Variants in RHBDL1 observed in about 807,000 individuals in gnomAD.
The protein encoded by RHBDL1 is rhomboid like 1, also known as rhomboid-related protein 1.
RHBDL1 carries 21 observed loss-of-function variants against 34.0 expected under a neutral mutation model. The observed-to-expected ratio is 0.62, with a 90% CI of 0.44 to 0.89. The LOEUF (loss-of-function observed/expected upper bound fraction) is 0.89, where lower values mean the gene tolerates loss of function less well. Among genes scored for constraint, RHBDL1 ranks in the 40% least tolerant of loss-of-function variants. The probability of loss-of-function intolerance (pLI) is 0.00; values close to 1 mark genes in which losing one functional copy is unlikely to be tolerated. For missense variants in RHBDL1, 450 were observed against 530.6 expected (o/e 0.85, Z 1.49); for synonymous variants, 268 against 234.8 (o/e 1.14, Z -1.29).
rs1306207635 is a variant in RHBDL1 at position 678,245 on chromosome 16, A to G, written c.*193A>G. 7.4e-7 allele frequency: 1 copy of G among 1,359,008 alleles called. No homozygotes were observed. The highest frequency in any genetic ancestry group is 9.4e-7 in the Non-Finnish European group (1 of 1,062,184). The allele number at this position is 1,359,008 out of a possible 1,614,324, so 84.2% of individuals were successfully genotyped here. On this transcript the variant is annotated 3_prime_UTR_variant, in exon 8 of 8. Transcript: ENST00000352681. ...ACTTGCGGTCTGAGCCTTTTTGGATAATTAATAAATATTTTACACAGCACC... is the reference window on the plus strand; with the variant it reads ...ACTTGCGGTCTGAGCCTTTTTGGATGATTAATAAATATTTTACACAGCACC...
Position 675,759 on chromosome 16 carries a change from C to A in RHBDL1, c.-32C>A. 2 of 1,434,014 alleles carry A rather than the reference C, an allele frequency of 1.4e-6. No individual in the cohort carries two copies. The highest frequency in any genetic ancestry group is 1.4e-5 in the South Asian group (1 of 73,346). The allele number at this position is 1,434,014 out of a possible 1,614,324, so 88.8% of individuals were successfully genotyped here. A position where few individuals can be genotyped will look rare whatever the true frequency, so the allele number is the denominator to read the frequency against. ...AGCAGCCCCTCCCGGCCGCGGCCGC[C>A]GACCCCGGACCCCGGCCCCCGGCCA... On this transcript the variant is annotated 5_prime_UTR_variant, in exon 1 of 8. Transcript: ENST00000352681.
chr16:677,135 G>T lies in RHBDL1; in HGVS notation c.575+16G>T, dbSNP rs536232510. The T allele has an allele frequency of 6.3e-7, 1 of 1,591,722 alleles. No homozygotes were observed. The highest frequency in any genetic ancestry group is 1.1e-5 in the South Asian group (1 of 89,470). Reference sequence around the variant, plus strand: ...TGCACGTTGGGTGAGTAGCACTGCTGCCCGGTGAGCCCCGCCCCAACCTGC... The same window carrying T: ...TGCACGTTGGGTGAGTAGCACTGCTTCCCGGTGAGCCCCGCCCCAACCTGC... On this transcript the variant is annotated intron_variant, in intron 4 of 7. Coordinates refer to ENST00000352681, the MANE Select transcript of RHBDL1 (RefSeq NM_001278720.2).
At position 676,629 on chromosome 16, in the gene RHBDL1, C is replaced by T. The variant is rs574262034; in HGVS notation, c.202-43C>T. The T allele has an allele frequency of 1.6e-5, 26 of 1,599,008 alleles. No individual in the cohort carries two copies. In the African/African-American group the frequency reaches 3.1e-4, roughly 19 times the overall value. On this transcript the variant is annotated intron_variant, in intron 2 of 7. Transcript: ENST00000352681. The surrounding 1 kb of genome is among the most constrained non-coding windows in gnomAD (Gnocchi z 6.9). ...TGGGTGAGCCTCACAGGCAGGGGTGCCATGGGGAGGTCCGTGGCCCACACT... is the reference window on the plus strand; with the variant it reads ...TGGGTGAGCCTCACAGGCAGGGGTGTCATGGGGAGGTCCGTGGCCCACACT...
Position 678,210 on chromosome 16 carries a change from C to A in RHBDL1, c.*158C>A, listed in dbSNP as rs570431809. On this transcript the variant is annotated 3_prime_UTR_variant, in exon 8 of 8. Coordinates refer to ENST00000352681, the MANE Select transcript of RHBDL1 (RefSeq NM_001278720.2). ...GGCCCTGTCCCAGCCACCCACCCCC[C>A]ACTCCCAGGACTTGCGGTCTGAGCC... 1.0e-4 allele frequency: 141 copies of A among 1,384,470 alleles called. 1 individual carries two copies. The East Asian group carries it at 3.8e-3, about 38-fold the overall frequency. The allele number at this position is 1,384,470 out of a possible 1,614,324, so 85.8% of individuals were successfully genotyped here. A position where few individuals can be genotyped will look rare whatever the true frequency, so the allele number is the denominator to read the frequency against.
chr16:677,387 A>C lies in RHBDL1; in HGVS notation c.687A>C (p.Ala229=). Residue 229 remains alanine, a splice_region_variant and synonymous_variant, in exon 5 of 8, where the codon GCA becomes GCC. Coordinates refer to ENST00000352681, the MANE Select transcript of RHBDL1 (RefSeq NM_001278720.2). ...TGCTCTACCTGGCAGGCGTGCTGGCAGGTGAGGCAGGCGCGCACCCCCGCC... is the reference window on the plus strand; with the variant it reads ...TGCTCTACCTGGCAGGCGTGCTGGCCGGTGAGGCAGGCGCGCACCCCCGCC... ...ISLLYLAGVL[A]GSLTVSITDM... The C allele has an allele frequency of 6.4e-7, 1 of 1,569,798 alleles. No individual in the cohort carries two copies. Among genetic ancestry groups the C allele is most frequent in the Non-Finnish European group, 8.6e-7 (1 of 1,159,178 alleles).
At position 677,900 on chromosome 16, in the gene RHBDL1, C is replaced by T; in HGVS notation, c.970C>T (p.Leu324=). ...CGCGGTGGTGGGGGTGAGCATGGGC[C>T]TGACCATCCTGCGGAGCTACGAGGA... The part of the protein sequence containing the change: ...AGAVVGVSMG[L]TILRSYEERL... Residue 324 remains leucine (L), a synonymous_variant, in exon 8 of 8, where the codon CTG becomes TTG. Coordinates refer to ENST00000352681, the MANE Select transcript of RHBDL1 (RefSeq NM_001278720.2). 6.2e-7 allele frequency: 1 copy of T among 1,601,928 alleles called. No individual in the cohort carries two copies. Among genetic ancestry groups the T allele is most frequent in the Non-Finnish European group, 8.5e-7 (1 of 1,178,966 alleles).
At chr16:677,255 C>A (rs374372693) in intron 4 of RHBDL1, 21 bp from the exon 5 acceptor site, 1 of 1,559,378 alleles carries the variant, frequency 6.4e-7, no homozygotes, top group Admixed American at 1.9e-5. Flanking sequence ...CCTTCGTACC[C>A]GTTTGCTTCC....
chr16:677,628 C>T lies in RHBDL1; in HGVS notation c.790-11C>T, dbSNP rs956374187. 3.8e-6 allele frequency: 6 copies of T among 1,597,440 alleles called. No individual in the cohort carries two copies. The highest frequency in any genetic ancestry group is 1.7e-4 in the Middle Eastern group (1 of 5,988). ...TGAGCCTCACCACTTCTCGTCTGCA[C>T]ACACCCATAGAACTGGGCTGGGATG... On this transcript the variant is annotated splice_polypyrimidine_tract_variant and intron_variant, in intron 6 of 7. Coordinates refer to ENST00000352681, the MANE Select transcript of RHBDL1 (RefSeq NM_001278720.2).
Position 676,012 on chromosome 16 carries a change from C to T in RHBDL1, c.39+183C>T. The stretch of plus-strand genomic sequence containing the variant: ...GGACTGACTGGACCAGAGCTCCTGG[C>T]TGGAGAAGGGAGAGTCGGGGGGAGG... On this transcript the variant is annotated intron_variant, in intron 1 of 7. Transcript: ENST00000352681. This position sits in a 1 kb window ranked among gnomAD's most constrained non-coding sequence, Gnocchi z 6.9. The T allele has an allele frequency of 7.7e-7, 1 of 1,291,180 alleles. No homozygotes were observed. The highest frequency in any genetic ancestry group is 3.6e-5 in the Admixed American group (1 of 27,532). The allele number at this position is 1,291,180 out of a possible 1,614,324, so 80.0% of individuals were successfully genotyped here.
rs922365274 is a variant in RHBDL1, at chr16:677,912, C to T, written c.982C>T (p.Arg328Trp). The T allele has an allele frequency of 3.7e-6, 6 of 1,602,796 alleles. No homozygotes were observed. The highest frequency in any genetic ancestry group is 1.7e-5 in the Admixed American group (1 of 59,834). Residue 328 changes from arginine to tryptophan, a missense_variant, in exon 8 of 8, where the codon CGG becomes TGG. Coordinates refer to ENST00000352681, the MANE Select transcript of RHBDL1 (RefSeq NM_001278720.2). ...VGVSMGLTIL[R>W]SYEERLRDQC... ...GGTGAGCATGGGCCTGACCATCCTGCGGAGCTACGAGGAGCGCCTGCGGGA... is the reference window on the plus strand; with the variant it reads ...GGTGAGCATGGGCCTGACCATCCTGTGGAGCTACGAGGAGCGCCTGCGGGA...
chr16:675,691 CGGGCGGAGCGGGCCGGCTG>C lies in RHBDL1; in HGVS notation c.-88_-70del. 1 of 492,314 alleles carries C rather than the reference CGGGCGGAGCGGGCCGGCTG, an allele frequency of 2.0e-6. No homozygotes were observed. Among genetic ancestry groups the C allele is most frequent in the Non-Finnish European group, 2.9e-6 (1 of 339,382 alleles). 30.5% of individuals were successfully genotyped at this position (492,314 alleles called of 1,614,324 possible). On this transcript the variant is annotated 5_prime_UTR_variant, in exon 1 of 8. Transcript: ENST00000352681. ...GGCCCAAGCGCGGCGCCGAGCGGAG[CGGGCGGAGCGGGCCGGCTG>C]GGGCGGAGCGGAGTCGTCCGCAGAG...
At position 676,272 on chromosome 16, in the gene RHBDL1, C is replaced by T. The variant is rs1318095483; in HGVS notation, c.40-64C>T. The T allele has an allele frequency of 4.4e-6, 7 of 1,575,470 alleles. No individual in the cohort carries two copies. Among genetic ancestry groups the T allele is most frequent in the Non-Finnish European group, 5.2e-6 (6 of 1,161,024 alleles). On this transcript the variant is annotated intron_variant, in intron 1 of 7. Coordinates refer to ENST00000352681, the MANE Select transcript of RHBDL1 (RefSeq NM_001278720.2). The surrounding 1 kb of genome is among the most constrained non-coding windows in gnomAD (Gnocchi z 6.9). ...AGCCTGATGCTCCCAGCCAGCCTGG[C>T]CCAGCCCTTTGGTCCAGGGGTCGGG...
In RHBDL1 at chr16:677,917, C is replaced by A; in HGVS notation, c.987C>A (p.Ser329Arg). 1 of 1,603,302 alleles carries A rather than the reference C, an allele frequency of 6.2e-7. No individual in the cohort carries two copies. Among genetic ancestry groups the A allele is most frequent in the Non-Finnish European group, 8.5e-7 (1 of 1,179,268 alleles). ...GVSMGLTILR[S>R]YEERLRDQCG... ...GCATGGGCCTGACCATCCTGCGGAG[C>A]TACGAGGAGCGCCTGCGGGACCAGT... Residue 329 changes from serine (S) to arginine (R), a missense_variant, in exon 8 of 8, where the codon AGC (serine) becomes AGA (arginine). Transcript: ENST00000352681.
chr16:678,043 A>T lies in RHBDL1; in HGVS notation c.1113A>T (p.Pro371=). 1 of 1,558,390 alleles carries T rather than the reference A, an allele frequency of 6.4e-7. No individual in the cohort carries two copies. The highest frequency in any genetic ancestry group is 8.6e-7 in the Non-Finnish European group (1 of 1,157,244). ...AYDLLGAHIP[P]PP ...ACCTGCTGGGCGCCCACATCCCCCC[A>T]CCGCCCTGACCGGCTACCTGAGGCT... is the stretch of plus-strand genomic sequence containing the variant. The change falls in exon 8 of 8, where the codon CCA becomes CCT. Residue 371 remains proline, a synonymous_variant. Transcript: ENST00000352681.
At position 677,081 on chromosome 16, in the gene RHBDL1, C is replaced by T. The variant is rs778152258; in HGVS notation, c.537C>T (p.Arg179=). ...TGTACCACCCCGGGCACCGTGCCCGCGCCTGGCGCTTCCTCACCTACATGT... is the reference window on the plus strand; with the variant it reads ...TGTACCACCCCGGGCACCGTGCCCGTGCCTGGCGCTTCCTCACCTACATGT... ...PLVYHPGHRA[R]AWRFLTYMFM... is the part of the protein sequence containing the mutation. Residue 179 remains arginine, a synonymous_variant, in exon 4 of 8, where the codon CGC becomes CGT. Coordinates refer to ENST00000352681, the MANE Select transcript of RHBDL1 (RefSeq NM_001278720.2). 10 of 1,612,638 alleles carry T rather than the reference C, an allele frequency of 6.2e-6. No individual in the cohort carries two copies. The highest frequency in any genetic ancestry group is 2.7e-5 in the African/African-American group (2 of 74,936).
Position 676,405 on chromosome 16 carries a change from C to G in RHBDL1, c.109C>G (p.Leu37Val). Residue 37 changes from leucine to valine, a missense_variant, in exon 2 of 8, where the codon CTG becomes GTG. By Grantham distance (32) the Leu-to-Val change is conservative. Coordinates refer to ENST00000352681, the MANE Select transcript of RHBDL1 (RefSeq NM_001278720.2). This position sits in a 1 kb window ranked among gnomAD's most constrained non-coding sequence, Gnocchi z 6.9. ...TFTGLVHSHE[L>V]PLDPAKLDML... The stretch of plus-strand genomic sequence containing the variant: ...CACTGGCCTGGTGCACAGCCATGAG[C>G]TGCCCCTGGACCCGGCCAAGCTGGA... The G allele has an allele frequency of 6.2e-7, 1 of 1,608,496 alleles. No homozygotes were observed. Among genetic ancestry groups the G allele is most frequent in the Non-Finnish European group, 8.5e-7 (1 of 1,178,640 alleles).
intron 4 of RHBDL1, 51 bp from the exon 5 acceptor site, chr16:677,225 G>T: frequency 6.4e-7 from 1 of 1,553,404 alleles, no homozygotes. Context: ...CTGGGGGTGG[G>T]GCCGGATGGC....
Position 676,149 on chromosome 16 carries a change from G to T in RHBDL1, c.40-187G>T. ...GAACAACTGAGGAGCTGGAGGACTG[G>T]GACCCAGGCACCAGTGCCCTGCCAG... On this transcript the variant is annotated intron_variant, in intron 1 of 7. Transcript: ENST00000352681. The surrounding 1 kb of genome is among the most constrained non-coding windows in gnomAD (Gnocchi z 6.9). 6.8e-7 allele frequency: 1 copy of T among 1,470,618 alleles called. No homozygotes were observed. Among genetic ancestry groups the T allele is most frequent in the African/African-American group, 1.4e-5 (1 of 70,416 alleles). 91.1% of individuals were successfully genotyped at this position (1,470,618 alleles called of 1,614,324 possible).
Position 677,854 on chromosome 16 carries a change from C to T in RHBDL1, c.924C>T (p.Ser308=), listed in dbSNP as rs775439313. 1 of 1,593,906 alleles carries T rather than the reference C, an allele frequency of 6.3e-7. No homozygotes were observed. Among genetic ancestry groups the T allele is most frequent in the Admixed American group, 1.7e-5 (1 of 59,094 alleles). Residue 308 remains serine, a synonymous_variant, in exon 8 of 8, where the codon AGC becomes AGT. Coordinates refer to ENST00000352681, the MANE Select transcript of RHBDL1 (RefSeq NM_001278720.2). ...PPLPASGPQP[S]FMAHLAGAVV... is the part of the protein sequence containing the mutation. Reference sequence around the variant, plus strand: ...TGCCCGCCTCGGGCCCACAGCCCAGCTTCATGGCGCACCTGGCAGGCGCGG... The same window carrying T: ...TGCCCGCCTCGGGCCCACAGCCCAGTTTCATGGCGCACCTGGCAGGCGCGG...
Sources: allele counts gnomAD v4.1 joint callset, GRCh38; gene constraint gnomAD v4.1.1; non-coding constraint Gnocchi (gnomAD v3.1); transcripts MANE v1.5; gene names NCBI Gene and HGNC (gene_info 2026-07-23, HGNC 2026-07-21).